IRF7: variants seen among roughly 807,000 people sequenced by gnomAD.
The protein encoded by IRF7 is interferon regulatory factor-7H.
Under a neutral mutation model 51.3 loss-of-function variants are expected in IRF7, and 67 were observed. That is an observed-to-expected ratio of 1.31 (90% CI 1.07 to 1.60). IRF7 has a LOEUF of 1.60. Ranked by LOEUF, IRF7 falls within the 40% of genes most tolerant of loss-of-function variation. The probability of loss-of-function intolerance (pLI) is 0.00; values close to 1 mark genes in which losing one functional copy is unlikely to be tolerated. For synonymous variants in IRF7, 427 were observed against 301.3 expected (o/e 1.42, Z -4.32); for missense variants, 873 against 701.5 (o/e 1.24, Z -2.76).
At position 613,963 on chromosome 11, in the gene IRF7, C is replaced by T; in HGVS notation, c.754G>A (p.Ala252Thr). The T allele has an allele frequency of 1.2e-6, 2 of 1,606,392 alleles. No homozygotes were observed. Among genetic ancestry groups the T allele is most frequent in the South Asian group, 1.1e-5 (1 of 90,366 alleles). The change falls in exon 7 of 11, where the codon GCA (alanine) becomes ACA (threonine). Residue 252 changes from alanine to threonine, a missense_variant. Transcript: ENST00000525445. The part of the protein sequence containing the change: ...TTPSPGPQPA[A>T]LTTGEAAAPE... ...CTACCCCTCTCACCTGTCGTTAGTGCCGCGGGCTGGGGCCCGGGGCTGGGG... is the reference window on the plus strand; with the variant it reads ...CTACCCCTCTCACCTGTCGTTAGTGTCGCGGGCTGGGGCCCGGGGCTGGGG...
chr11:613,952 T>G lies in IRF7; in HGVS notation c.765A>C (p.Thr255=). The G allele has an allele frequency of 6.2e-7, 1 of 1,606,004 alleles. No individual in the cohort carries two copies. The highest frequency in any genetic ancestry group is 1.1e-5 in the South Asian group (1 of 90,286). Residue 255 remains threonine, a splice_region_variant and synonymous_variant, in exon 7 of 11, where the codon ACA becomes ACC. Coordinates refer to ENST00000525445, the MANE Select transcript of IRF7 (RefSeq NM_001572.5). ...SPGPQPAALT[T]GEAAAPESPH... is the part of the protein sequence containing the mutation. ...CCTCCCAACCCCTACCCCTCTCACC[T>G]GTCGTTAGTGCCGCGGGCTGGGGCC... is the stretch of plus-strand genomic sequence containing the variant.
chr11:614,762 G>A lies in IRF7; in HGVS notation c.394+35C>T, dbSNP rs552179555. On this transcript the variant is annotated intron_variant, in intron 4 of 10. Coordinates refer to ENST00000525445, the MANE Select transcript of IRF7 (RefSeq NM_001572.5). ...ATGTTCCCCTTTGCCCAAGCAGGAC[G>A]AATGCCAACGCCCTTGGCAGCCGGC... 1,146 of 1,517,314 alleles carry A rather than the reference G, an allele frequency of 7.6e-4. 17 individuals are homozygous for A. The South Asian group carries it at 0.013, about 17-fold the overall frequency. 94.0% of individuals were successfully genotyped at this position (1,517,314 alleles called of 1,614,324 possible).
chr11:613,623 G>T, intron 8 of IRF7, 28 bp from the exon 9 acceptor site: 1 of 1,459,502 alleles, frequency 6.9e-7, no homozygotes. Flanking sequence ...TGTGAGTGAC[G>T]GGGGTGGGCG....
Position 614,031 on chromosome 11 carries a change from C to T in IRF7, c.686G>A (p.Gly229Glu), listed in dbSNP as rs1156894268. The T allele has an allele frequency of 3.7e-6, 6 of 1,607,650 alleles. No homozygotes were observed. In the Admixed American group the frequency reaches 5.0e-5, roughly 13 times the overall value. Residue 229 changes from glycine to glutamate, a missense_variant, in exon 7 of 11, where the codon GGG (glycine) becomes GAG (glutamate). Transcript: ENST00000525445. ...CCCGTACAGCTCCCCAGCAGGGAGC[C>T]CTGGGCCTGAGGAGGGGAGGACAGT... ...PLTGACAGGP[G>E]LPAGELYGWA...
In IRF7 at chr11:612,570, T is replaced by C. The variant is rs993537183; in HGVS notation, c.*75A>G. Reference sequence around the variant, plus strand: ...TGCCAGTACGTGTTCTGGAGTTCTTTTTATTAGACTGGGCGGCCGCGGCCA... The same window carrying C: ...TGCCAGTACGTGTTCTGGAGTTCTTCTTATTAGACTGGGCGGCCGCGGCCA... On this transcript the variant is annotated 3_prime_UTR_variant, in exon 11 of 11. Coordinates refer to ENST00000525445, the MANE Select transcript of IRF7 (RefSeq NM_001572.5). 10 of 1,556,242 alleles carry C rather than the reference T, an allele frequency of 6.4e-6. No homozygotes were observed. Among genetic ancestry groups the C allele is most frequent in the Admixed American group, 1.7e-5 (1 of 57,684 alleles).
rs749760219 is a variant in IRF7, at chr11:614,195, G to A, written c.658C>T (p.Leu220=). 12 of 1,612,706 alleles carry A rather than the reference G, an allele frequency of 7.4e-6. 1 individual carries two copies. Among genetic ancestry groups the A allele is most frequent in the Admixed American group, 3.3e-5 (2 of 59,984 alleles). ...APGEGQEGLP[L]TGACAGGPGL... is the part of the protein sequence containing the mutation. The stretch of plus-strand genomic sequence containing the variant: ...ACACCTCCAGCACAGGCCCCAGTCA[G>A]GGGAAGCCCTTCTTGTCCCTCTCCA... Residue 220 remains leucine (L), a synonymous_variant, in exon 6 of 11, where the codon CTG becomes TTG. Coordinates refer to ENST00000525445, the MANE Select transcript of IRF7 (RefSeq NM_001572.5).
chr11:613,927 C>A (rs777109398), intron 7 of IRF7, 24 bp downstream of exon 7: 2 of 1,601,568 alleles, frequency 1.2e-6, no homozygotes, highest in East Asian at 2.2e-5. Flanking sequence ...GTGCCCCAGG[C>A]CTCCCAACCC....
intron 7 of IRF7, 34 bp from the exon 8 acceptor site, chr11:613,899 C>A: frequency 6.3e-7 from 1 of 1,598,386 alleles, no homozygotes; most frequent in East Asian, 2.3e-5. Flanking sequence ...GCTGGCACCT[C>A]ATCCCTAGCC....
In IRF7 at chr11:613,128, G is replaced by T. The variant is rs777724108; in HGVS notation, c.1238-11C>A. The T allele has an allele frequency of 5.0e-6, 8 of 1,612,176 alleles. No homozygotes were observed. Among genetic ancestry groups the T allele is most frequent in the Admixed American group, 1.7e-5 (1 of 59,902 alleles). The stretch of plus-strand genomic sequence containing the variant: ...GGAATTCCACCAGCTCTGAAGAAGG[G>T]GACTCTGCTGAGTACCTGGCAGGCA... On this transcript the variant is annotated splice_polypyrimidine_tract_variant and intron_variant, in intron 9 of 10. Transcript: ENST00000525445.
Position 613,566 on chromosome 11 carries a change from T to C in IRF7, c.877A>G (p.Ile293Val), listed in dbSNP as rs747884435. The C allele has an allele frequency of 1.3e-6, 2 of 1,576,390 alleles. No individual in the cohort carries two copies. The highest frequency in any genetic ancestry group is 1.7e-6 in the Non-Finnish European group (2 of 1,163,588). The change falls in exon 9 of 11, where the codon ATC (isoleucine) becomes GTC (valine). Residue 293 changes from isoleucine (I) to valine (V), a missense_variant. Physicochemically the swap from Ile to Val is conservative, Grantham distance 29 (BLOSUM62 3). Transcript: ENST00000525445. ...EPSPGALDVTIMYKGRTVLQK... is the reference protein window; with the variant it reads ...EPSPGALDVTVMYKGRTVLQK... ...AGCACCGTGCGGCCCTTGTACATGA[T>C]GGTCACGTCCAGCGCCCCTGGGCTG...
chr11:612,838 G>C, intron 10 of IRF7, 38 bp from the exon 11 acceptor site: 1 of 1,598,090 alleles, frequency 6.3e-7, no homozygotes, highest in Non-Finnish European at 8.5e-7. Flanking sequence ...GTGACCCGGC[G>C]TGTGTCCTCC....
chr11:612,587 C>A lies in IRF7; in HGVS notation c.*58G>T. 1 of 1,593,294 alleles carries A rather than the reference C, an allele frequency of 6.3e-7. No individual in the cohort carries two copies. The stretch of plus-strand genomic sequence containing the variant: ...GAGTTCTTTTTATTAGACTGGGCGG[C>A]CGCGGCCAGCTCTAGGTGGGCTGCT... On this transcript the variant is annotated 3_prime_UTR_variant, in exon 11 of 11. Coordinates refer to ENST00000525445, the MANE Select transcript of IRF7 (RefSeq NM_001572.5).
In IRF7 at chr11:615,138, C is replaced by G; in HGVS notation, c.142G>C (p.Ala48Pro). The stretch of plus-strand genomic sequence containing the variant: ...TCGGCCTCGCTCAGGTCCTTGCGCG[C>G]GAAGTGCTTCCAGGGCACGCGGAAA... ...TCFRVPWKHF[A>P]RKDLSEADAR... Residue 48 changes from alanine to proline, a missense_variant, in exon 3 of 11, where the codon GCG becomes CCG. Coordinates refer to ENST00000525445, the MANE Select transcript of IRF7 (RefSeq NM_001572.5). 1.2e-6 allele frequency: 2 copies of G among 1,602,532 alleles called. No homozygotes were observed. The highest frequency in any genetic ancestry group is 1.7e-5 in the Admixed American group (1 of 59,810).
At position 613,963 on chromosome 11, in the gene IRF7, C is replaced by CCG; in HGVS notation, c.752_753dup (p.Ala252ArgfsTer3). 6.2e-7 allele frequency: 1 copy of CCG among 1,606,392 alleles called. No individual in the cohort carries two copies. The highest frequency in any genetic ancestry group is 8.5e-7 in the Non-Finnish European group (1 of 1,177,904). ...CTACCCCTCTCACCTGTCGTTAGTG[C>CCG]CGCGGGCTGGGGCCCGGGGCTGGGG... is the stretch of plus-strand genomic sequence containing the variant. On this transcript the variant is annotated frameshift_variant, in exon 7 of 11. Coordinates refer to ENST00000525445, the MANE Select transcript of IRF7 (RefSeq NM_001572.5). LOFTEE classifies it high-confidence loss of function.
In IRF7 at chr11:615,214, G is replaced by T; in HGVS notation, c.66C>A (p.Ile22=). 1.3e-6 allele frequency: 2 copies of T among 1,597,378 alleles called. No individual in the cohort carries two copies. The highest frequency in any genetic ancestry group is 8.5e-7 in the Non-Finnish European group (1 of 1,175,950). The change falls in exon 3 of 11, where the codon ATC becomes ATA. Residue 22 remains isoleucine (I), a synonymous_variant. Transcript: ENST00000525445. ...VLFGEWLLGE[I]SSGCYEGLQW... ...GCAGCCCCTCATAGCAGCCGCTGCTGATCTCTCCAAGGAGCCACTCTCCGA... is the reference window on the plus strand; with the variant it reads ...GCAGCCCCTCATAGCAGCCGCTGCTTATCTCTCCAAGGAGCCACTCTCCGA...
chr11:615,337 G>A lies in IRF7; in HGVS notation c.20+8C>T. The A allele has an allele frequency of 6.5e-7, 1 of 1,540,780 alleles. No individual in the cohort carries two copies. Among genetic ancestry groups the A allele is most frequent in the Non-Finnish European group, 8.7e-7 (1 of 1,148,710 alleles). ...CTGGCATCTGGAGAGGGTGGGCCGGGCTCTTACCTCTCAGGAGCCAAGGCC... is the reference window on the plus strand; with the variant it reads ...CTGGCATCTGGAGAGGGTGGGCCGGACTCTTACCTCTCAGGAGCCAAGGCC... On this transcript the variant is annotated splice_region_variant and intron_variant, in intron 2 of 10. Transcript: ENST00000525445.
Position 615,421 on chromosome 11 carries a change from G to A in IRF7, c.-57C>T. On this transcript the variant is annotated 5_prime_UTR_variant, in exon 2 of 11. Coordinates refer to ENST00000525445, the MANE Select transcript of IRF7 (RefSeq NM_001572.5). ...TCAGGTGTTATAACAGGGGAGGTAA[G>A]GGCTCCTGTCGCAGCAGACGCCAGG... is the stretch of plus-strand genomic sequence containing the variant. 6.9e-7 allele frequency: 1 copy of A among 1,457,894 alleles called. No individual in the cohort carries two copies. The highest frequency in any genetic ancestry group is 1.4e-5 in the African/African-American group (1 of 70,542). The allele number at this position is 1,457,894 out of a possible 1,614,324, so 90.3% of individuals were successfully genotyped here. A position where few individuals can be genotyped will look rare whatever the true frequency, so the allele number is the denominator to read the frequency against.
chr11:612,890 G>C (rs1422416499), intron 10 of IRF7, 90 bp from the exon 11 acceptor site: 2 of 1,589,876 alleles, frequency 1.3e-6, no homozygotes, highest in East Asian at 2.2e-5. Context: ...GCGTCTGTCA[G>C]TGACCCGGTG....
Position 613,293 on chromosome 11 carries a change from G to A in IRF7, c.1150C>T (p.Pro384Ser). ...CKVYWEVGGP[P>S]GSASPSTPAC... ...GGGGTGGAGGGGCTGGCGGAGCCTG[G>A]GGGTCCGCCCACCTCCCAGTACACC... The change falls in exon 9 of 11, where the codon CCA becomes TCA. Residue 384 changes from proline (P) to serine (S), a missense_variant. By Grantham distance (74) the Pro-to-Ser change is moderately conservative (BLOSUM62 -1). Transcript: ENST00000525445. The A allele has an allele frequency of 3.7e-6, 6 of 1,609,954 alleles. No homozygotes were observed. The highest frequency in any genetic ancestry group is 5.1e-6 in the Non-Finnish European group (6 of 1,178,680).
Sources: allele counts gnomAD v4.1 joint callset, GRCh38; gene constraint gnomAD v4.1.1; transcripts MANE v1.5; gene names NCBI Gene and HGNC (gene_info 2026-07-23, HGNC 2026-07-21).